Variants in WWOX observed in about 807,000 individuals in gnomAD.
WWOX encodes WW domain-containing oxidoreductase.
A neutral mutation model predicts 46.2 loss-of-function variants in WWOX; 69 were observed. The ratio of observed to expected loss-of-function variants is 1.49; its 90% CI spans 1.23 to 1.82. The LOEUF (loss-of-function observed/expected upper bound fraction) is 1.82, where lower values mean the gene tolerates loss of function less well. Ranked by LOEUF, WWOX falls within the 40% of genes most tolerant of loss-of-function variation. The pLI is 0.00. For missense variants in WWOX, 919 were observed against 542.6 expected (o/e 1.69, Z -6.89); for synonymous variants, 359 against 202.6 (o/e 1.77, Z -6.56).
At chr16:78,869,337 G>C (rs978606522) in intron 8 of WWOX, among the ~76,000 whole-genome samples, 3 of 152,088 alleles carry the variant, frequency 2.0e-5, no homozygotes, top group South Asian at 2.1e-4. Flanking sequence ...GTCAGAAAGT[G>C]CCTACTTTTC....
At chr16:78,384,811 A>G (rs1268194034) in intron 5 of WWOX, among the ~76,000 whole-genome samples, 1 of 152,140 alleles carries the variant, frequency 6.6e-6, no homozygotes, top group Non-Finnish European at 1.5e-5. Context: ...TTGGGGACAT[A>G]ATTTCATCAC....
chr16:78,635,143 C>A (rs925068847), intron 8 of WWOX, among the ~76,000 whole-genome samples: 1 of 152,188 alleles, frequency 6.6e-6, no homozygotes, highest in Non-Finnish European at 1.5e-5. Flanking sequence ...AATGCCAAAA[C>A]TGTACCTCTT....
At chr16:78,932,029 T>A in intron 8 of WWOX, among the ~76,000 whole-genome samples, 1 of 152,218 alleles carries the variant, frequency 6.6e-6, no homozygotes, top group Non-Finnish European at 1.5e-5. Context: ...CCTTCTGCCG[T>A]GATTGTGAGA....
At chr16:78,787,032 C>T (rs1029778735) in intron 8 of WWOX, among the ~76,000 whole-genome samples, 6 of 152,216 alleles carry the variant, frequency 3.9e-5, no homozygotes, top group Middle Eastern at 6.8e-3. Context: ...CCTGTAATCC[C>T]AGGTATTCAG....
chr16:78,335,937 T>C (rs897146318), intron 5 of WWOX, among the ~76,000 whole-genome samples: 3 of 151,490 alleles, frequency 2.0e-5, no homozygotes, highest in South Asian at 4.2e-4. Context: ...ACTAAAAATA[T>C]AAAAATTTGC....
chr16:78,647,443 A>G (rs918587182), intron 8 of WWOX, among the ~76,000 whole-genome samples: 2 of 152,130 alleles, frequency 1.3e-5, no homozygotes, highest in African/African-American at 4.8e-5. Flanking sequence ...ACACGGTTCC[A>G]TGATCATGGA....
intron 4 of WWOX, among the ~76,000 whole-genome samples, chr16:78,147,699 A>ATTTT (rs2034255143): frequency 9.5e-4 from 73 of 76,866 alleles, no homozygotes; most frequent in Non-Finnish European, 1.6e-3. Context: ...TTTTTTTTAA[A>ATTTT]AAAAAAAAAG....
rs1016411332 is a variant in WWOX, at chr16:78,949,288, C to A, written c.1057-262320C>A. On this transcript the variant is annotated intron_variant, in intron 8 of 8. Transcript: ENST00000566780. ...GCCTGGGACTTCCAACCCACAGCAA[C>A]TGTGCCGTCGTGACTAGATACGTTT... is the stretch of plus-strand genomic sequence containing the variant. Among the ~76,000 whole-genome samples the A allele has an allele frequency of 2.6e-5, 4 of 152,288 alleles. No homozygotes were observed. In the South Asian group the frequency reaches 8.3e-4, roughly 32 times the overall value.
intron 8 of WWOX, among the ~76,000 whole-genome samples, chr16:78,829,250 C>G (rs2051747458): frequency 6.6e-6 from 1 of 152,004 alleles, no homozygotes. Flanking sequence ...AGAAGTGTAG[C>G]CAGCAATCTG....
chr16:79,060,764 T>A (rs553745385), intron 8 of WWOX, among the ~76,000 whole-genome samples: 1 of 152,360 alleles, frequency 6.6e-6, no homozygotes, highest in South Asian at 2.1e-4. Flanking sequence ...TCTCTGTTTT[T>A]TAAGACTCTC....
chr16:78,680,972 T>G (rs537456880), intron 8 of WWOX, among the ~76,000 whole-genome samples: 4 of 151,974 alleles, frequency 2.6e-5, no homozygotes, highest in African/African-American at 9.6e-5. Flanking sequence ...ATTTAGGCCA[T>G]ACTTAGTGGC....
chr16:78,653,132 T>C (rs1410745603), intron 8 of WWOX, among the ~76,000 whole-genome samples: 1 of 152,158 alleles, frequency 6.6e-6, no homozygotes, highest in Non-Finnish European at 1.5e-5. Context: ...ATTGGGCTCG[T>C]AATATATAGG....
chr16:79,000,940 C>A (rs536363015), intron 8 of WWOX, among the ~76,000 whole-genome samples: 112 of 152,258 alleles, frequency 7.4e-4, no homozygotes, highest in Non-Finnish European at 1.5e-3. Flanking sequence ...TGGACGTGGG[C>A]AGGAATAGTG....
chr16:78,154,963 G>C (rs948892585), intron 4 of WWOX, among the ~76,000 whole-genome samples: 2 of 150,874 alleles, frequency 1.3e-5, no homozygotes, highest in Non-Finnish European at 2.9e-5. Flanking sequence ...CAGCAGCACG[G>C]GTGATGATCA....
intron 8 of WWOX, among the ~76,000 whole-genome samples, chr16:78,813,963 A>T (rs969377310): frequency 3.9e-5 from 6 of 152,092 alleles, no homozygotes; most frequent in African/African-American, 1.4e-4. Context: ...CCCCACCCCC[A>T]ATTCTATAGG....
chr16:78,857,809 G>C (rs1427314698), intron 8 of WWOX, among the ~76,000 whole-genome samples: 2 of 152,040 alleles, frequency 1.3e-5, no homozygotes, highest in African/African-American at 4.8e-5. Context: ...GTTTATAGGA[G>C]CATAAATTGT....
chr16:78,875,012 C>A (rs539441206), intron 8 of WWOX, among the ~76,000 whole-genome samples: 2 of 152,258 alleles, frequency 1.3e-5, no homozygotes, highest in Admixed American at 1.3e-4. Context: ...TTAAAGGAAT[C>A]TTTCAATATC....
chr16:78,250,782 G>T (rs895475369), intron 5 of WWOX, among the ~76,000 whole-genome samples: 1 of 152,052 alleles, frequency 6.6e-6, no homozygotes, highest in South Asian at 2.1e-4. Flanking sequence ...CAGTGGTGGC[G>T]GTGGGCTGGG....
At chr16:78,964,479 T>C (rs979737699) in intron 8 of WWOX, among the ~76,000 whole-genome samples, 2 of 152,204 alleles carry the variant, frequency 1.3e-5, no homozygotes, top group East Asian at 3.8e-4. Flanking sequence ...ATTTAGGGTA[T>C]CTGGCCGAAG....
Sources: allele counts gnomAD v4.1 joint callset (sites outside exome capture counted in the v4.1 genomes callset), GRCh38; gene constraint gnomAD v4.1.1; transcripts MANE v1.5; gene names NCBI Gene and HGNC (gene_info 2026-07-23, HGNC 2026-07-21).